The following C8orf34 variants were observed in gnomAD, a reference collection of about 807,000 sequenced individuals.
C8orf34 encodes the protein uncharacterized protein C8orf34.
A neutral mutation model predicts 68.3 loss-of-function variants in C8orf34; 65 were observed. That is an observed-to-expected ratio of 0.95 (90% confidence interval 0.78 to 1.17). The LOEUF is 1.17. Among genes scored for constraint, C8orf34 ranks in the 50% most tolerant of loss-of-function variants. The pLI is 0.00. For missense variants in C8orf34, 664 were observed against 655.4 expected, an observed-to-expected ratio of 1.01 and a Z score of -0.14; for synonymous variants, 244 against 241.2, an observed-to-expected ratio of 1.01 and a Z score of -0.11.
At chr8:68,534,640 G>A in intron 7 of C8orf34, 2 of 985,474 alleles carry the variant, frequency 2.0e-6, no homozygotes, top group African/African-American at 1.7e-5. Flanking sequence ...CAGCAGGTGG[G>A]GTGTGGTCAT....
intron 5 of C8orf34, among the ~76,000 whole-genome samples, chr8:68,490,720 AC>A (rs895391361): frequency 2.6e-5 from 4 of 152,030 alleles, no homozygotes; most frequent in African/African-American, 9.7e-5. Context: ...AAAAAAATCG[AC>A]CCCACTTTTG....
intron 3 of C8orf34, among the ~76,000 whole-genome samples, chr8:68,460,979 T>C (rs1178957892): frequency 1.3e-5 from 2 of 152,144 alleles, no homozygotes. Flanking sequence ...AGGCTTCAGA[T>C]GATCAAACTA....
chr8:68,389,008 CA>C (rs1427730343), intron 1 of C8orf34, among the ~76,000 whole-genome samples: 1 of 152,020 alleles, frequency 6.6e-6, no homozygotes, highest in Non-Finnish European at 1.5e-5. Flanking sequence ...AGAATGTGTG[CA>C]AAAATATGGA....
intron 8 of C8orf34, among the ~76,000 whole-genome samples, chr8:68,661,730 G>A (rs780154609): frequency 6.6e-5 from 10 of 152,108 alleles, no homozygotes; most frequent in South Asian, 2.1e-4. Flanking sequence ...AGGTAAGCCC[G>A]TTGTGCAAGA....
chr8:68,774,323 GTGTGTGTGTATATA>G (rs969787249), intron 10 of C8orf34, among the ~76,000 whole-genome samples: 15 of 44,780 alleles, frequency 3.3e-4, no homozygotes, highest in African/African-American at 1.8e-3. Flanking sequence ...AAAAATATGG[GTGTGTGTGTATATA>G]TATATATATA....
intron 1 of C8orf34, among the ~76,000 whole-genome samples, chr8:68,394,443 A>G (rs1294308083): frequency 6.6e-6 from 1 of 151,834 alleles, no homozygotes; most frequent in Non-Finnish European, 1.5e-5. Context: ...GCTGCACAGT[A>G]TTCCATGGTG....
chr8:68,674,144 C>T (rs1464265391), intron 8 of C8orf34, among the ~76,000 whole-genome samples: 9 of 152,090 alleles, frequency 5.9e-5, no homozygotes, highest in Admixed American at 5.9e-4. Context: ...CCCAAGTCCC[C>T]TCAAATACCT....
intron 13 of C8orf34, among the ~76,000 whole-genome samples, chr8:68,816,364 C>T (rs779565005): frequency 2.0e-5 from 3 of 152,080 alleles, no homozygotes; most frequent in Non-Finnish European, 2.9e-5. Flanking sequence ...GATCTCAGAA[C>T]AATTTCGTGT....
At chr8:68,465,502 G>A (rs1376653212) in intron 3 of C8orf34, among the ~76,000 whole-genome samples, 1 of 151,928 alleles carries the variant, frequency 6.6e-6, no homozygotes, top group African/African-American at 2.4e-5. Context: ...ACATGCACAC[G>A]TATGTTTATT....
At chr8:68,704,333 G>A (rs1821103684) in intron 8 of C8orf34, among the ~76,000 whole-genome samples, 2 of 152,072 alleles carry the variant, frequency 1.3e-5, no homozygotes, top group Admixed American at 1.3e-4. Context: ...GGCGTGGTGG[G>A]GAGGGGTAGA....
chr8:68,507,060 T>C (rs1814055172), intron 5 of C8orf34, among the ~76,000 whole-genome samples: 1 of 152,200 alleles, frequency 6.6e-6, no homozygotes, highest in African/African-American at 2.4e-5. Flanking sequence ...AGAATTGACA[T>C]CTTCACCTTT....
At chr8:68,448,252 T>C (rs924655857) in intron 3 of C8orf34, among the ~76,000 whole-genome samples, 5 of 152,152 alleles carry the variant, frequency 3.3e-5, no homozygotes, top group Non-Finnish European at 2.9e-5. Flanking sequence ...AGTCTGAATA[T>C]ATTCCTTTTT....
chr8:68,750,808 G>T (rs1822683959), intron 10 of C8orf34, among the ~76,000 whole-genome samples: 1 of 152,052 alleles, frequency 6.6e-6, no homozygotes, highest in African/African-American at 2.4e-5. Context: ...TCCATGCATT[G>T]TTCTAGGAGC....
intron 8 of C8orf34, among the ~76,000 whole-genome samples, chr8:68,669,743 G>A (rs1819949479): frequency 1.3e-5 from 2 of 152,160 alleles, no homozygotes; most frequent in Admixed American, 1.3e-4. Context: ...GCTGGTCTTT[G>A]TAGTATGTCA....
At chr8:68,784,798 G>GTGTA (rs1426787425) in intron 11 of C8orf34, among the ~76,000 whole-genome samples, 1 of 129,852 alleles carries the variant, frequency 7.7e-6, no homozygotes, top group Admixed American at 7.5e-5. Flanking sequence ...GTGTATGTGT[G>GTGTA]TGTATGTGTG....
intron 7 of C8orf34, among the ~76,000 whole-genome samples, chr8:68,597,330 G>C (rs1241815035): frequency 2.0e-5 from 3 of 151,960 alleles, no homozygotes. Context: ...TGTTCTTATG[G>C]CTGGGATTTT....
intron 8 of C8orf34, among the ~76,000 whole-genome samples, chr8:68,682,294 T>A (rs544351580): frequency 6.6e-6 from 1 of 152,242 alleles, no homozygotes; most frequent in Non-Finnish European, 1.5e-5. Context: ...ATTGTGCATT[T>A]TATGCTTGTA....
intron 7 of C8orf34, chr8:68,533,363 T>A (rs1207529350): frequency 8.6e-6 from 11 of 1,281,382 alleles, no homozygotes; most frequent in Non-Finnish European, 9.8e-6. Context: ...GACTGTATTT[T>A]GTGCTTTGTG....
At chr8:68,530,605 G>T in intron 6 of C8orf34, 1 of 1,261,220 alleles carries the variant, frequency 7.9e-7, no homozygotes, top group Non-Finnish European at 1.0e-6. Context: ...TAGAAGACAC[G>T]TAATGCAATG....
Sources: gnomAD v4.1 joint callset for allele counts (sites outside exome capture counted in the v4.1 genomes callset) on GRCh38, gnomAD v4.1.1 for gene constraint, MANE v1.5 for transcripts, NCBI Gene and HGNC (gene_info 2026-07-23, HGNC 2026-07-21) for gene names.